Variants in TENM2 observed in about 807,000 individuals in gnomAD.
TENM2 encodes the protein teneurin-2.
TENM2 carries 52 observed loss-of-function variants against 245.2 expected under a neutral mutation model. The observed-to-expected ratio is 0.21, with a 90% CI of 0.17 to 0.27. TENM2 has a LOEUF of 0.27. Among genes scored for constraint, TENM2 ranks in the 10% least tolerant of loss-of-function variants. The pLI, the probability that TENM2 is intolerant of heterozygous loss-of-function variation, is 1.00. For synonymous variants in TENM2, 1,363 were observed against 1,438.9 expected (o/e 0.95, Z 1.19); for missense variants, 3,046 against 3,666.8 (o/e 0.83, Z 4.37).
At chr5:167,417,748 A>T (rs1212606867) in intron 2 of TENM2, among the ~76,000 whole-genome samples, 1 of 152,172 alleles carries the variant, frequency 6.6e-6, no homozygotes. Flanking sequence ...GCCAGGGCCC[A>T]AAAGTAGGTC....
chr5:167,531,482 T>C (rs774247650), intron 2 of TENM2, among the ~76,000 whole-genome samples: 15 of 151,862 alleles, frequency 9.9e-5, no homozygotes, highest in Non-Finnish European at 1.8e-4. Context: ...TTCACACTTA[T>C]CTTTTTTTTT....
Position 168,228,120 on chromosome 5 carries a change from G to C in TENM2, c.5510G>C (p.Arg1837Thr), listed in dbSNP as rs548549914. The C allele has an allele frequency of 8.2e-5, 131 of 1,596,042 alleles. No homozygotes were observed. The highest frequency in any genetic ancestry group is 1.1e-4 in the Non-Finnish European group (128 of 1,176,608). Residue 1837 changes from arginine (R) to threonine (T), a missense_variant, in exon 25 of 29, where the codon AGG becomes ACG. Physicochemically the swap from Arg to Thr is moderately conservative, Grantham distance 71 (BLOSUM62 -1). Transcript: ENST00000518659. The stretch of plus-strand genomic sequence containing the variant: ...AAAGGCAAAGTCACCATCTTTGGCA[G>C]GAAGCTCCGGGTAAGTGGTTCCACC...
chr5:167,345,377 A>G (rs1319492676), intron 1 of TENM2, among the ~76,000 whole-genome samples: 3 of 152,262 alleles, frequency 2.0e-5, no homozygotes, highest in African/African-American at 7.2e-5. Flanking sequence ...TGTTCTCAAA[A>G]GTGTGTTTAA....
At chr5:167,238,500 A>G in the TENM2 span, among the ~76,000 whole-genome samples, 3 of 152,156 alleles carry the variant, frequency 2.0e-5, no homozygotes, top group Non-Finnish European at 4.4e-5. Context: ...AGTGTTCTCA[A>G]AATCAAAATA....
At chr5:167,113,331 G>A in the TENM2 span, among the ~76,000 whole-genome samples, 1 of 152,062 alleles carries the variant, frequency 6.6e-6, no homozygotes, top group Non-Finnish European at 1.5e-5. Context: ...GAAGGCTTAG[G>A]CGATTCATGC....
intron 2 of TENM2, among the ~76,000 whole-genome samples, chr5:167,527,937 CT>C (rs1771232256): frequency 6.6e-6 from 1 of 152,046 alleles, no homozygotes; most frequent in Non-Finnish European, 1.5e-5. Context: ...TTTCTGAAGC[CT>C]CTAGAGAAAT....
chr5:167,375,544 T>C, intron 2 of TENM2, 71 bp downstream of exon 4: 1 of 1,459,770 alleles, frequency 6.9e-7, no homozygotes, highest in Non-Finnish European at 9.3e-7. Context: ...ATGTTTTTGT[T>C]TTTTAATGAA....
At chr5:166,981,441 T>C in the TENM2 span, among the ~76,000 whole-genome samples, 69 of 152,296 alleles carry the variant, frequency 4.5e-4, no homozygotes, top group East Asian at 9.8e-3. Flanking sequence ...TGATTTCATA[T>C]AGTAAACTTC....
intron 1 of TENM2, among the ~76,000 whole-genome samples, chr5:167,355,452 A>C (rs1420414421): frequency 2.0e-5 from 3 of 152,182 alleles, no homozygotes; most frequent in African/African-American, 7.2e-5. Context: ...AGCAAGAAAT[A>C]AGTGTTTGAA....
At chr5:167,090,121 T>A in the TENM2 span, among the ~76,000 whole-genome samples, 1 of 152,154 alleles carries the variant, frequency 6.6e-6, no homozygotes, top group East Asian at 1.9e-4. Flanking sequence ...TTTTTTAAAA[T>A]AATTTATTAC....
chr5:167,434,229 G>A (rs888967904), intron 2 of TENM2, among the ~76,000 whole-genome samples: 3 of 151,728 alleles, frequency 2.0e-5, no homozygotes, highest in African/African-American at 7.3e-5. Flanking sequence ...AGACCAGCCT[G>A]GCCAACATGG....
Position 167,329,118 on chromosome 5 carries a change from T to A in TENM2, c.226+44055T>A, listed in dbSNP as rs72645748. 0.018 allele frequency among the ~76,000 whole-genome samples: 2,751 copies of A among 152,260 alleles called. 194 individuals carry two copies. The East Asian group carries it at 0.23, about 12-fold the overall frequency. Reference sequence around the variant, plus strand: ...GTCAGTTGTTGAGTTATTGGCTTCATGCAACAACAACCCCTGTGGGAGATG... The same window carrying A: ...GTCAGTTGTTGAGTTATTGGCTTCAAGCAACAACAACCCCTGTGGGAGATG... On this transcript the variant is annotated intron_variant, in intron 1 of 28. Coordinates refer to ENST00000518659, the Ensembl canonical transcript of TENM2.
At chr5:167,861,149 G>T (rs1448216794) in intron 2 of TENM2, among the ~76,000 whole-genome samples, 6 of 150,954 alleles carry the variant, frequency 4.0e-5, no homozygotes, top group African/African-American at 1.5e-4. Context: ...CAGGGTGTCT[G>T]CCCACATCTC....
At chr5:167,403,526 T>G (rs1762473911) in intron 2 of TENM2, among the ~76,000 whole-genome samples, 1 of 152,272 alleles carries the variant, frequency 6.6e-6, no homozygotes, top group South Asian at 2.1e-4. Context: ...TCTTCATGCC[T>G]TCTACCTGAA....
the TENM2 span, among the ~76,000 whole-genome samples, chr5:167,135,817 A>G: frequency 6.6e-6 from 1 of 152,166 alleles, no homozygotes; most frequent in Admixed American, 6.5e-5. Context: ...AGTGGCGTCT[A>G]TTTTGACAAT....
At chr5:167,273,560 G>A in the TENM2 span, among the ~76,000 whole-genome samples, 5 of 152,104 alleles carry the variant, frequency 3.3e-5, no homozygotes, top group Non-Finnish European at 5.9e-5. Context: ...TTAGGATTAA[G>A]AGTAGTATCT....
intron 1 of TENM2, among the ~76,000 whole-genome samples, chr5:167,312,417 C>T (rs78963759): frequency 0.024 from 3,631 of 152,188 alleles, 183 homozygotes; most frequent in African/African-American, 0.082. Context: ...GCTTAGAGTT[C>T]ATGTCAGAAG....
At chr5:167,357,279 C>G (rs1010898610) in intron 1 of TENM2, among the ~76,000 whole-genome samples, 6 of 149,162 alleles carry the variant, frequency 4.0e-5, no homozygotes, top group Non-Finnish European at 7.4e-5. Flanking sequence ...CTTTTTCCCC[C>G]TTATGCAAGA....
intron 3 of TENM2, among the ~76,000 whole-genome samples, chr5:167,949,673 C>T (rs574194292): frequency 3.3e-5 from 5 of 152,270 alleles, no homozygotes; most frequent in African/African-American, 9.6e-5. Flanking sequence ...AGGTAGCACG[C>T]CCAGGTTCAC....
Sources: allele counts gnomAD v4.1 joint callset (sites outside exome capture counted in the v4.1 genomes callset), GRCh38; gene constraint gnomAD v4.1.1; transcripts MANE v1.5; gene names NCBI Gene and HGNC (gene_info 2026-07-23, HGNC 2026-07-21).